MEF2A: variants seen among roughly 807,000 people sequenced by gnomAD.
MEF2A encodes myocyte-specific enhancer factor 2A.
MEF2A carries 28 observed loss-of-function variants against 55.8 expected under a neutral mutation model. That is an observed-to-expected ratio of 0.50 (90% CI 0.37 to 0.69). The LOEUF is 0.69. Among genes scored for constraint, MEF2A ranks in the 30% least tolerant of loss-of-function variants. The pLI is 0.00. For missense variants in MEF2A, 528 were observed against 626.2 expected (o/e 0.84, Z 1.67); for synonymous variants, 239 against 227.1 (o/e 1.05, Z -0.47).
At chr15:99,601,465 A>G (rs939229625) in intron 2 of MEF2A, among the ~76,000 whole-genome samples, 1 of 146,746 alleles carries the variant, frequency 6.8e-6, no homozygotes, top group African/African-American at 2.5e-5. Flanking sequence ...CTTGCTTCTG[A>G]TCTTAGGTGG....
chr15:99,591,691 T>TTTTTG lies in MEF2A; in HGVS notation c.-224-6728_-224-6724dup, dbSNP rs60235673. On this transcript the variant is annotated intron_variant, in intron 1 of 11. Transcript: ENST00000557942. The stretch of plus-strand genomic sequence containing the variant: ...CTTCTCACAGGTTCTTCATAATCTG[T>TTTTTG]TTTTGTTTTGTTTTGCTCTTTTTGA... Among the ~76,000 whole-genome samples the TTTTTG allele has an allele frequency of 9.4e-3, 1,428 of 152,246 alleles. 19 individuals carry two copies. The highest frequency in any genetic ancestry group is 0.031 in the African/African-American group (1,287 of 41,544).
chr15:99,600,027 C>G (rs958792988), intron 2 of MEF2A, among the ~76,000 whole-genome samples: 3 of 152,052 alleles, frequency 2.0e-5, no homozygotes, highest in Non-Finnish European at 4.4e-5. Flanking sequence ...ATGGAGGATC[C>G]TGGAACCAAT....
intron 8 of MEF2A, among the ~76,000 whole-genome samples, chr15:99,699,341 T>G (rs8034889): frequency 1.3e-5 from 2 of 152,026 alleles, no homozygotes; most frequent in Non-Finnish European, 2.9e-5. Context: ...ATGATTCCAT[T>G]TATATTTCAT....
chr15:99,636,772 A>G (rs1294841522), intron 3 of MEF2A, among the ~76,000 whole-genome samples: 1 of 151,846 alleles, frequency 6.6e-6, no homozygotes, highest in Non-Finnish European at 1.5e-5. Context: ...GGCCATAAAG[A>G]TATTCTTCTA....
At chr15:99,696,050 A>G (rs1053458408) in intron 8 of MEF2A, among the ~76,000 whole-genome samples, 4 of 152,230 alleles carry the variant, frequency 2.6e-5, no homozygotes, top group Non-Finnish European at 4.4e-5. Flanking sequence ...GACATAGTCC[A>G]CTTTCCAAGA....
At chr15:99,682,463 C>G (rs1176471667) in intron 7 of MEF2A, among the ~76,000 whole-genome samples, 1 of 152,148 alleles carries the variant, frequency 6.6e-6, no homozygotes, top group African/African-American at 2.4e-5. Flanking sequence ...GAGTTATATA[C>G]TGAAAGTATT....
intron 4 of MEF2A, among the ~76,000 whole-genome samples, chr15:99,663,045 G>A (rs2048931553): frequency 6.6e-6 from 1 of 152,088 alleles, no homozygotes; most frequent in South Asian, 2.1e-4. Context: ...AGCTTGGAAT[G>A]GAATTTGGCA....
In MEF2A at chr15:99,602,698, G is replaced by GTGTGTA. The variant is rs1199857211; in HGVS notation, c.-143+4188_-143+4189insGTGTAT. 1.7e-4 allele frequency among the ~76,000 whole-genome samples: 15 copies of GTGTGTA among 89,518 alleles called. 2 individuals are homozygous for GTGTGTA. The highest frequency in any genetic ancestry group is 7.5e-4 in the African/African-American group (15 of 20,100). The allele number at this position is 89,518 out of a possible 152,430, so 58.7% of individuals were successfully genotyped here. On this transcript the variant is annotated intron_variant, in intron 2 of 11. Transcript: ENST00000557942. Reference sequence around the variant, plus strand: ...TGTGTGTGTGTGTGTGTGTGTGTGTGTAGGGGTGGGGAGCTTTTTGTGTGT... The same window carrying GTGTGTA: ...TGTGTGTGTGTGTGTGTGTGTGTGTGTGTGTATAGGGGTGGGGAGCTTTTTGTGTGT...
chr15:99,597,357 C>T (rs151162009), intron 1 of MEF2A, among the ~76,000 whole-genome samples: 184 of 152,206 alleles, frequency 1.2e-3, no homozygotes, highest in African/African-American at 3.6e-3. Flanking sequence ...TCTCCCATAG[C>T]GCTCCCAGGC....
intron 2 of MEF2A, among the ~76,000 whole-genome samples, chr15:99,631,375 G>A (rs912664246): frequency 3.3e-5 from 5 of 152,220 alleles, no homozygotes; most frequent in African/African-American, 7.2e-5. Flanking sequence ...TGGGCCCCAC[G>A]AGTGACTAGC....
At chr15:99,703,909 G>GT (rs1453383828) in intron 9 of MEF2A, among the ~76,000 whole-genome samples, 1 of 152,174 alleles carries the variant, frequency 6.6e-6, no homozygotes, top group Non-Finnish European at 1.5e-5. Context: ...AATTGAATGT[G>GT]TATATAAGTT....
chr15:99,594,072 T>G (rs1970301184), intron 1 of MEF2A, among the ~76,000 whole-genome samples: 1 of 152,196 alleles, frequency 6.6e-6, no homozygotes, highest in Admixed American at 6.5e-5. Flanking sequence ...TTCAGTTCAA[T>G]TCTGATACTA....
At position 99,703,291 on chromosome 15, in the gene MEF2A, A is replaced by G. The variant is rs1016643671; in HGVS notation, c.859-71A>G. 23 of 1,513,794 alleles carry G rather than the reference A, an allele frequency of 1.5e-5. No homozygotes were observed. The South Asian group carries it at 2.6e-4, about 17-fold the overall frequency. The allele number at this position is 1,513,794 out of a possible 1,614,324, so 93.8% of individuals were successfully genotyped here. A position where few individuals can be genotyped will look rare whatever the true frequency, so the allele number is the denominator to read the frequency against. On this transcript the variant is annotated intron_variant, in intron 8 of 11. Coordinates refer to ENST00000557942, the MANE Select transcript of MEF2A (RefSeq NM_001319206.4). Reference sequence around the variant, plus strand: ...GCTAGTGTCCAAATATGTTTTTTCTAAAGAAATATTTTGTTTGTGAGTACC... The same window carrying G: ...GCTAGTGTCCAAATATGTTTTTTCTGAAGAAATATTTTGTTTGTGAGTACC...
At chr15:99,631,635 T>C (rs750857081) in intron 2 of MEF2A, among the ~76,000 whole-genome samples, 3 of 152,104 alleles carry the variant, frequency 2.0e-5, no homozygotes, top group Non-Finnish European at 4.4e-5. Flanking sequence ...TCTGCTAGAT[T>C]AGGAATCATA....
intron 1 of MEF2A, among the ~76,000 whole-genome samples, chr15:99,586,625 G>A (rs540529976): frequency 6.6e-6 from 1 of 151,820 alleles, no homozygotes; most frequent in African/African-American, 2.4e-5. Flanking sequence ...TCCCTTAATG[G>A]TATCTTTCAA....
chr15:99,668,467 T>G (rs2050222416), intron 4 of MEF2A, among the ~76,000 whole-genome samples: 2 of 152,236 alleles, frequency 1.3e-5, no homozygotes, highest in African/African-American at 4.8e-5. Context: ...TTAAGTTTGT[T>G]GGAATGGCAT....
At chr15:99,574,788 C>G (rs1461896359) in intron 1 of MEF2A, among the ~76,000 whole-genome samples, 2 of 152,174 alleles carry the variant, frequency 1.3e-5, no homozygotes, top group Non-Finnish European at 2.9e-5. Context: ...TGGTACTGAT[C>G]TATGGCCCCG....
intron 1 of MEF2A, among the ~76,000 whole-genome samples, chr15:99,592,777 A>G (rs1969781735): frequency 6.6e-6 from 1 of 152,138 alleles, no homozygotes; most frequent in African/African-American, 2.4e-5. Context: ...AGAGGAGGGC[A>G]CCAAGTCGTT....
chr15:99,583,802 A>G (rs1033645174), intron 1 of MEF2A, among the ~76,000 whole-genome samples: 19 of 152,194 alleles, frequency 1.2e-4, no homozygotes, highest in Non-Finnish European at 2.1e-4. Flanking sequence ...TTGAGGTGGT[A>G]GTAGTGATAA....
Sources: gnomAD v4.1 joint callset for allele counts (sites outside exome capture counted in the v4.1 genomes callset) on GRCh38, gnomAD v4.1.1 for gene constraint, MANE v1.5 for transcripts, NCBI Gene and HGNC (gene_info 2026-07-23, HGNC 2026-07-21) for gene names.